Variants in SLC8A1 observed in about 807,000 individuals in gnomAD.
SLC8A1 encodes the protein solute carrier family 8 member A1.
A neutral mutation model predicts 68.3 loss-of-function variants in SLC8A1; 18 were observed. The ratio of observed to expected loss-of-function variants is 0.26; its 90% confidence interval spans 0.18 to 0.39. SLC8A1 has a LOEUF of 0.39. Among genes scored for constraint, SLC8A1 ranks in the 10% least tolerant of loss-of-function variants. The pLI is 1.00. For synonymous variants in SLC8A1, 475 were observed against 415.5 expected (o/e 1.14, Z -1.74); for missense variants, 985 against 1,156.7 (o/e 0.85, Z 2.15).
At chr2:40,111,562 A>G (rs1484734005) in exon 8 of SLC8A1, 1 of 152,204 alleles carries the variant, frequency 6.6e-6, no homozygotes, top group Non-Finnish European at 1.5e-5. Flanking sequence ...AGTAAGAACT[A>G]AGTCCACTAA....
chr2:40,396,687 T>C (rs1687000110), intron 2 of SLC8A1, among the ~76,000 whole-genome samples: 1 of 146,996 alleles, frequency 6.8e-6, no homozygotes. Flanking sequence ...AGATTACTAG[T>C]CTAAGTGAGC....
chr2:40,172,340 C>T (rs75159309), intron 4 of SLC8A1, among the ~76,000 whole-genome samples: 234 of 152,254 alleles, frequency 1.5e-3, no homozygotes, highest in African/African-American at 5.3e-3. Flanking sequence ...GGAACATTCT[C>T]TTGTTCTAAC....
intron 1 of SLC8A1, among the ~76,000 whole-genome samples, chr2:40,447,605 A>G (rs896971206): frequency 1.5e-4 from 20 of 134,000 alleles, no homozygotes; most frequent in South Asian, 5.1e-4. Flanking sequence ...AAAAAAAAAA[A>G]AAAGAAAGAA....
chr2:40,117,292 C>T (rs532219882), intron 7 of SLC8A1, among the ~76,000 whole-genome samples: 59 of 149,826 alleles, frequency 3.9e-4, no homozygotes, highest in African/African-American at 1.4e-3. Flanking sequence ...TGCCTATAAT[C>T]CCAGTACTTT....
chr2:40,472,649 G>A (rs1704057960), intron 1 of SLC8A1, among the ~76,000 whole-genome samples: 3 of 152,042 alleles, frequency 2.0e-5, no homozygotes. Flanking sequence ...ATTATTGGTG[G>A]GAACTACCAT....
At position 40,429,466 on chromosome 2, in the gene SLC8A1, C is replaced by G. The variant is rs754949043; in HGVS notation, c.815G>C (p.Arg272Thr). 5 of 1,613,784 alleles carry G rather than the reference C, an allele frequency of 3.1e-6. No individual in the cohort carries two copies. In the South Asian group the frequency reaches 5.5e-5, roughly 18 times the overall value. ...TCCTTCATGTTCAATAATCATCCCC[C>G]TCTGCTTGCCAGCTCGATACCTCTT... is the stretch of plus-strand genomic sequence containing the variant. Residue 272 changes from arginine (R) to threonine (T), a missense_variant, in exon 2 of 8, where the codon AGG (arginine) becomes ACG (threonine). Arg to Thr is a moderately conservative substitution (Grantham distance 71). Around this residue, in one of 5 missense-constraint regions of SLC8A1, gnomAD observed 584 missense variants for 565.9 expected, o/e 1.03. Transcript: ENST00000406785.
At chr2:40,487,222 G>A (rs10200636) in intron 1 of SLC8A1, among the ~76,000 whole-genome samples, 2 of 151,948 alleles carry the variant, frequency 1.3e-5, no homozygotes, top group Non-Finnish European at 2.9e-5. Context: ...TTCCTGAGGA[G>A]GTAGCATGTG....
intron 1 of SLC8A1, among the ~76,000 whole-genome samples, chr2:40,482,086 G>A (rs1704664831): frequency 1.3e-5 from 2 of 152,134 alleles, no homozygotes; most frequent in South Asian, 4.1e-4. Context: ...ATATTTTATT[G>A]TGGTAAGAAT....
At chr2:40,233,174 A>C (rs1173359256) in intron 2 of SLC8A1, among the ~76,000 whole-genome samples, 1 of 152,162 alleles carries the variant, frequency 6.6e-6, no homozygotes, top group Admixed American at 6.5e-5. Flanking sequence ...GAATGGCCAC[A>C]CTGACTTCCA....
chr2:40,424,218 T>C (rs542447924), intron 2 of SLC8A1, among the ~76,000 whole-genome samples: 7 of 151,978 alleles, frequency 4.6e-5, no homozygotes, highest in African/African-American at 1.7e-4. Flanking sequence ...CACACAATTA[T>C]CCTTCTGTTC....
At chr2:40,175,180 C>A in intron 3 of SLC8A1, 81 bp downstream of exon 4, 2 of 1,376,202 alleles carry the variant, frequency 1.5e-6, no homozygotes, top group East Asian at 2.3e-5. Flanking sequence ...AAATAAAAGT[C>A]ACAGAGCTAC....
At chr2:40,110,599 A>G (rs1029301321) in exon 8 of SLC8A1, 3 of 152,324 alleles carry the variant, frequency 2.0e-5, no homozygotes, top group East Asian at 1.9e-4. Context: ...AGTGATTACA[A>G]TGATAAAAGC....
intron 6 of SLC8A1, among the ~76,000 whole-genome samples, chr2:40,146,404 G>A (rs951208847): frequency 6.6e-6 from 1 of 152,132 alleles, no homozygotes; most frequent in African/African-American, 2.4e-5. Context: ...CAGGCTGTTA[G>A]GTTCTACTCA....
At chr2:40,456,687 G>C (rs567877644), upstream of SLC8A1, among the ~76,000 whole-genome samples, 2 of 152,186 alleles carry the variant, frequency 1.3e-5, no homozygotes, top group African/African-American at 2.4e-5. Context: ...GCTTGGCATA[G>C]TTCCTGATCA....
At chr2:40,474,101 C>G (rs78461463) in intron 1 of SLC8A1, among the ~76,000 whole-genome samples, 2 of 152,048 alleles carry the variant, frequency 1.3e-5, no homozygotes, top group Non-Finnish European at 2.9e-5. Context: ...CTGCCTCTCT[C>G]AATAGACTAT....
chr2:40,492,933 GT>G (rs1705418243), intron 1 of SLC8A1, among the ~76,000 whole-genome samples: 1 of 152,020 alleles, frequency 6.6e-6, no homozygotes, highest in Non-Finnish European at 1.5e-5. Flanking sequence ...GGAAGTCAGT[GT>G]GGCCATTCCT....
chr2:40,340,353 G>T (rs1382398514), intron 2 of SLC8A1, among the ~76,000 whole-genome samples: 1 of 152,126 alleles, frequency 6.6e-6, no homozygotes, highest in African/African-American at 2.4e-5. Flanking sequence ...TTGAGGTCAG[G>T]AGTTTGAGAC....
At chr2:40,457,757 A>G (rs1703107729) in intron 1 of SLC8A1, among the ~76,000 whole-genome samples, 1 of 152,226 alleles carries the variant, frequency 6.6e-6, no homozygotes, top group Non-Finnish European at 1.5e-5. Flanking sequence ...TTGTTTCAGC[A>G]TTCCTAAGAA....
At chr2:40,479,733 A>G (rs1423992049) in intron 1 of SLC8A1, among the ~76,000 whole-genome samples, 1 of 152,200 alleles carries the variant, frequency 6.6e-6, no homozygotes, top group Non-Finnish European at 1.5e-5. Flanking sequence ...AGCTTCGGCA[A>G]CAAGGTACTT....
Sources: allele counts gnomAD v4.1 joint callset (sites outside exome capture counted in the v4.1 genomes callset), GRCh38; gene constraint gnomAD v4.1.1; regional missense constraint gnomAD v4.1.1; transcripts MANE v1.5; gene names NCBI Gene and HGNC (gene_info 2026-07-23, HGNC 2026-07-21).